Variants in CRISP2 observed in about 807,000 individuals in gnomAD.
CRISP2 encodes cysteine-rich secretory protein 2.
CRISP2 carries 29 observed loss-of-function variants against 31.7 expected under a neutral mutation model. The observed-to-expected ratio is 0.92, with a 90% CI of 0.68 to 1.25. CRISP2 has a LOEUF of 1.25. Among genes scored for constraint, CRISP2 ranks in the 50% most tolerant of loss-of-function variants. CRISP2 has a pLI of 0.00. For synonymous variants in CRISP2, 111 were observed against 101.4 expected, an observed-to-expected ratio of 1.09 and a Z score of -0.57; for missense variants, 318 against 286.5, an observed-to-expected ratio of 1.11 and a Z score of -0.79.
chr6:49,710,807 T>A (rs1216394606), intron 3 of CRISP2, among the ~76,000 whole-genome samples: 1 of 152,162 alleles, frequency 6.6e-6, no homozygotes, highest in African/African-American at 2.4e-5. Flanking sequence ...GAGGTCATTC[T>A]CAATACAAAT....
chr6:49,708,870 A>T (rs1207924283), intron 4 of CRISP2, among the ~76,000 whole-genome samples: 1 of 152,202 alleles, frequency 6.6e-6, no homozygotes, highest in Non-Finnish European at 1.5e-5. Context: ...GTTTCTTACC[A>T]TCAGAGTACA....
intron 9 of CRISP2, among the ~76,000 whole-genome samples, chr6:49,693,326 A>T (rs993392350): frequency 6.6e-6 from 1 of 152,178 alleles, no homozygotes; most frequent in Non-Finnish European, 1.5e-5. Flanking sequence ...TGGTTTCTTA[A>T]TCTTGTTAGC....
intron 4 of CRISP2, among the ~76,000 whole-genome samples, chr6:49,705,011 C>T (rs1205337541): frequency 6.6e-6 from 1 of 151,980 alleles, no homozygotes; most frequent in Non-Finnish European, 1.5e-5. Context: ...ACAAGTTTGC[C>T]CTAAGGTCAC....
chr6:49,683,492 C>T, the CRISP2 span, among the ~76,000 whole-genome samples: 8 of 148,814 alleles, frequency 5.4e-5, no homozygotes, highest in Non-Finnish European at 8.9e-5. Flanking sequence ...GGTGAAACCT[C>T]GCCTCTACTA....
chr6:49,702,152 T>TGTGTACATATATATATATATGTGTAC (rs1252709952), intron 4 of CRISP2, among the ~76,000 whole-genome samples: 2 of 51,686 alleles, frequency 3.9e-5, no homozygotes, highest in African/African-American at 1.9e-4. Flanking sequence ...TATATATATA[T>TGTGTACATATATATATATATGTGTAC]ATATATATAT....
At chr6:49,699,687 A>G in intron 6 of CRISP2, 117 bp downstream of exon 6, 1 of 704,782 alleles carries the variant, frequency 1.4e-6, no homozygotes. Flanking sequence ...GACTTCAAAA[A>G]GACAGCAGTA....
chr6:49,682,585 CTTTTT>C, the CRISP2 span, among the ~76,000 whole-genome samples: 7 of 67,374 alleles, frequency 1.0e-4, no homozygotes, highest in South Asian at 6.6e-4. Context: ...TTCTTTCTTT[CTTTTT>C]CTTTCTTTCT....
At position 49,699,715 on chromosome 6, in the gene CRISP2, C is replaced by T. The variant is rs560278299; in HGVS notation, c.271+89G>A. On this transcript the variant is annotated intron_variant, in intron 6 of 9. Coordinates refer to ENST00000339139, the MANE Select transcript of CRISP2 (RefSeq NM_003296.4). The stretch of plus-strand genomic sequence containing the variant: ...CAGCAGTATAAGTAACATTTATTTT[C>T]AAAGTCTTCTTATTATAGAGCATCC... 121 of 910,252 alleles carry T rather than the reference C, an allele frequency of 1.3e-4. No individual in the cohort carries two copies. In the African/African-American group the frequency reaches 1.5e-3, roughly 12 times the overall value. 56.4% of individuals were successfully genotyped at this position (910,252 alleles called of 1,614,324 possible). A position where few individuals can be genotyped will look rare whatever the true frequency, so the allele number is the denominator to read the frequency against.
At chr6:49,711,090 A>G (rs1035414538) in intron 3 of CRISP2, among the ~76,000 whole-genome samples, 195 bp downstream of exon 3, 124 of 152,300 alleles carry the variant, frequency 8.1e-4, no homozygotes, top group African/African-American at 2.9e-3. Context: ...GGCAGCAGTG[A>G]ACTATGATCA....
intron 6 of CRISP2, 55 bp from the exon 7 acceptor site, chr6:49,698,562 T>C (rs971636127): frequency 6.5e-7 from 1 of 1,538,338 alleles, no homozygotes; most frequent in Non-Finnish European, 8.7e-7. Flanking sequence ...GTAAAAGAAA[T>C]TGACTACACA....
intron 4 of CRISP2, among the ~76,000 whole-genome samples, chr6:49,705,473 C>T (rs989781477): frequency 6.6e-6 from 1 of 152,154 alleles, no homozygotes; most frequent in South Asian, 2.1e-4. Flanking sequence ...GCTTTCAGGC[C>T]TTTCCCCATT....
chr6:49,686,114 T>C, the CRISP2 span, among the ~76,000 whole-genome samples: 7 of 152,192 alleles, frequency 4.6e-5, no homozygotes, highest in Admixed American at 6.5e-5. Context: ...ATACAAAAAG[T>C]AGAATACTAT....
chr6:49,699,891 C>G lies in CRISP2; in HGVS notation c.184G>C (p.Glu62Gln). 1 of 1,611,836 alleles carries G rather than the reference C, an allele frequency of 6.2e-7. No individual in the cohort carries two copies. The highest frequency in any genetic ancestry group is 8.5e-7 in the Non-Finnish European group (1 of 1,178,650). The change falls in exon 6 of 10, where the codon GAA becomes CAA. Residue 62 changes from glutamate (E) to glutamine (Q), a missense_variant and splice_region_variant. Physicochemically the swap from Glu to Gln is conservative, Grantham distance 29 (BLOSUM62 2). Coordinates refer to ENST00000339139, the MANE Select transcript of CRISP2 (RefSeq NM_003296.4). The stretch of plus-strand genomic sequence containing the variant: ...TTCGTTGTTACCTCTCTGCTCCATT[C>G]CTAAACGTCACAAGAAAACAAAATA... The part of the protein sequence containing the change: ...SPPASNMLKM[E>Q]WSREVTTNAQ...
In CRISP2 at chr6:49,699,830, TG is replaced by T. The variant is rs1162812915; in HGVS notation, c.244del (p.His82IlefsTer38). The T allele has an allele frequency of 6.2e-7, 1 of 1,612,270 alleles. No individual in the cohort carries two copies. Among genetic ancestry groups the T allele is most frequent in the Non-Finnish European group, 8.5e-7 (1 of 1,178,850 alleles). On this transcript the variant is annotated frameshift_variant, in exon 6 of 10. Coordinates refer to ENST00000339139, the MANE Select transcript of CRISP2 (RefSeq NM_003296.4). LOFTEE classifies it high-confidence loss of function. ...QRWANKCTLQ[H>X]SDPEDRKTST... ...GGTTTTGCGGTCCTCTGGATCACTA[TG>T]TTGTAAAGTGCACTTGTTTGCCCAC...
intron 4 of CRISP2, among the ~76,000 whole-genome samples, chr6:49,706,899 A>G (rs3799684): frequency 0.19 from 28,866 of 152,126 alleles, 3,033 homozygotes; most frequent in Admixed American, 0.33. Flanking sequence ...TGGCAAAGTT[A>G]CTGACTCATA....
At chr6:49,702,282 T>C (rs1441745458) in intron 4 of CRISP2, among the ~76,000 whole-genome samples, 2 of 149,502 alleles carry the variant, frequency 1.3e-5, no homozygotes, top group Non-Finnish European at 3.0e-5. Context: ...TGTGCAAGTG[T>C]CTTTTTTTCA....
chr6:49,693,212 C>A (rs933487924), intron 9 of CRISP2, among the ~76,000 whole-genome samples: 3 of 152,124 alleles, frequency 2.0e-5, no homozygotes, highest in Non-Finnish European at 4.4e-5. Context: ...TTTTCCCCCT[C>A]AGCAAGCAGA....
chr6:49,681,557 CAG>C, the CRISP2 span, among the ~76,000 whole-genome samples: 5 of 152,046 alleles, frequency 3.3e-5, no homozygotes, highest in African/African-American at 7.2e-5. Flanking sequence ...ATTTATAAAA[CAG>C]AATCAATTTT....
chr6:49,692,685 C>G lies in CRISP2; in HGVS notation c.*88G>C, dbSNP rs1764126737. On this transcript the variant is annotated 3_prime_UTR_variant, in exon 10 of 10. Coordinates refer to ENST00000339139, the MANE Select transcript of CRISP2 (RefSeq NM_003296.4). ...TTGCTCTTTGAAATCAAATTTGTCA[C>G]TAACATACATACAATTTCCACTGGT... 1.8e-5 allele frequency: 23 copies of G among 1,308,316 alleles called. No individual in the cohort carries two copies. Among genetic ancestry groups the G allele is most frequent in the Non-Finnish European group, 2.4e-5 (23 of 963,580 alleles). 81.0% of individuals were successfully genotyped at this position (1,308,316 alleles called of 1,614,324 possible).
Sources: allele counts gnomAD v4.1 joint callset (sites outside exome capture counted in the v4.1 genomes callset), GRCh38; gene constraint gnomAD v4.1.1; transcripts MANE v1.5; gene names NCBI Gene and HGNC (gene_info 2026-07-23, HGNC 2026-07-21).